The following IL12RB2 variants were observed in gnomAD, a reference collection of about 807,000 sequenced individuals.
IL12RB2 encodes interleukin 12 receptor subunit beta 2.
In IL12RB2, 82 loss-of-function variants were observed where a neutral mutation model predicts 89.4. That is an observed-to-expected ratio of 0.92 (90% CI 0.77 to 1.10). The LOEUF (loss-of-function observed/expected upper bound fraction) is 1.10. Ranked by LOEUF, IL12RB2 falls within the 50% of genes least tolerant of loss-of-function variation. IL12RB2 has a pLI of 0.00. For synonymous variants in IL12RB2, 368 were observed against 370.1 expected, an observed-to-expected ratio of 0.99 and a Z score of 0.07; for missense variants, 963 against 1,031.9, an observed-to-expected ratio of 0.93 and a Z score of 0.92.
chr1:67,334,518 A>G (rs903093690), intron 8 of IL12RB2, among the ~76,000 whole-genome samples: 16 of 152,174 alleles, frequency 1.1e-4, no homozygotes, highest in South Asian at 2.1e-4. Context: ...TGGCTCTGTC[A>G]CCCATGCTGG....
At chr1:67,346,543 T>C (rs1660263161) in intron 9 of IL12RB2, among the ~76,000 whole-genome samples, 1 of 152,050 alleles carries the variant, frequency 6.6e-6, no homozygotes. Flanking sequence ...TGCACCATTA[T>C]GCCCAGCTAA....
At chr1:67,373,554 AATTATTCTATAAGT>A (rs1242899982) in intron 13 of IL12RB2, among the ~76,000 whole-genome samples, 1 of 152,210 alleles carries the variant, frequency 6.6e-6, no homozygotes, top group Non-Finnish European at 1.5e-5. Context: ...TATGGCCCAA[AATTATTCTATAAGT>A]ATAAAACTAA....
chr1:67,379,692 AT>A (rs1459621925), intron 13 of IL12RB2, among the ~76,000 whole-genome samples: 1 of 151,984 alleles, frequency 6.6e-6, no homozygotes, highest in Admixed American at 6.5e-5. Context: ...TATTCAAAAG[AT>A]TTTACCACAA....
intron 14 of IL12RB2, among the ~76,000 whole-genome samples, chr1:67,381,649 C>T (rs1433449382): frequency 1.3e-5 from 2 of 152,000 alleles, no homozygotes; most frequent in Non-Finnish European, 2.9e-5. Flanking sequence ...GCCTGTAGTC[C>T]TGGCTACTCG....
At chr1:67,378,882 G>A (rs1664264808) in intron 13 of IL12RB2, among the ~76,000 whole-genome samples, 1 of 143,574 alleles carries the variant, frequency 7.0e-6, no homozygotes. Context: ...AATGTTAAGT[G>A]AATGTCTGTT....
intron 4 of IL12RB2, among the ~76,000 whole-genome samples, chr1:67,323,556 C>T (rs1327138903): frequency 1.3e-5 from 2 of 152,176 alleles, no homozygotes; most frequent in Non-Finnish European, 2.9e-5. Flanking sequence ...TTAGGCTTCT[C>T]AACAGCAACC....
In IL12RB2 at chr1:67,372,726, CT is replaced by C; in HGVS notation, c.1661del (p.Leu554ProfsTer32). On this transcript the variant is annotated frameshift_variant, in exon 13 of 17. Coordinates refer to ENST00000674203, the MANE Select transcript of IL12RB2 (RefSeq NM_001374259.2). LOFTEE classifies it high-confidence loss of function. ...IPVQEQMGCL[L>X]HYRIYWKERD... ...AGTCCAGGAGCAAATGGGCTGCCTC[CT>C]CCATTATAGGATATACTGGAAGGAA... The C allele has an allele frequency of 1.2e-6, 2 of 1,603,602 alleles. No homozygotes were observed. The highest frequency in any genetic ancestry group is 1.7e-6 in the Non-Finnish European group (2 of 1,170,322).
intron 16 of IL12RB2, among the ~76,000 whole-genome samples, chr1:67,390,586 T>G (rs2100291468): frequency 1.3e-5 from 2 of 152,088 alleles, no homozygotes; most frequent in Admixed American, 1.3e-4. Flanking sequence ...CCATACTATT[T>G]TGGTTTGGGC....
Position 67,338,673 on chromosome 1 carries a change from C to A in IL12RB2, c.1008C>A (p.Tyr336Ter). 1.3e-6 allele frequency: 2 copies of A among 1,540,784 alleles called. No individual in the cohort carries two copies. Among genetic ancestry groups the A allele is most frequent in the Non-Finnish European group, 1.8e-6 (2 of 1,113,166 alleles). ...DVWYMKRHID[Y>*]SRQQISLFWK... Reference sequence around the variant, plus strand: ...GGTACATGAAACGGCACATTGACTACAGTAGACAACAGATTTCTCTTTTCT... The same window carrying A: ...GGTACATGAAACGGCACATTGACTAAAGTAGACAACAGATTTCTCTTTTCT... Residue 336 changes from tyrosine (Y) to a stop codon, truncating the protein, a stop_gained, in exon 9 of 17, where the codon TAC becomes TAA. Coordinates refer to ENST00000674203, the MANE Select transcript of IL12RB2 (RefSeq NM_001374259.2). LOFTEE classifies it high-confidence loss of function.
intron 9 of IL12RB2, among the ~76,000 whole-genome samples, chr1:67,350,044 C>A (rs1316910336): frequency 1.3e-5 from 2 of 152,158 alleles, no homozygotes; most frequent in African/African-American, 4.8e-5. Flanking sequence ...AGCCGGAGGC[C>A]CCCCACCCAT....
chr1:67,344,682 C>T (rs768805439), intron 9 of IL12RB2, among the ~76,000 whole-genome samples: 2 of 152,204 alleles, frequency 1.3e-5, no homozygotes, highest in Non-Finnish European at 2.9e-5. Context: ...TATTTTATAA[C>T]CTTTTTATCC....
chr1:67,386,761 C>T lies in IL12RB2; in HGVS notation c.1946+92C>T, dbSNP rs567874320. 14 of 864,240 alleles carry T rather than the reference C, an allele frequency of 1.6e-5. 1 individual carries two copies. In the East Asian group the frequency reaches 2.7e-4, roughly 16 times the overall value. 53.5% of individuals were successfully genotyped at this position (864,240 alleles called of 1,614,324 possible). On this transcript the variant is annotated intron_variant, in intron 15 of 16. Transcript: ENST00000674203. ...CATGGGTCAGGGAAATGGACACTCT[C>T]ACACATTCCTGGTGAGAGACTAAAC...
At chr1:67,373,519 A>T (rs17129908) in intron 13 of IL12RB2, among the ~76,000 whole-genome samples, 28,505 of 152,196 alleles carry the variant, frequency 0.19, 3,260 homozygotes, top group African/African-American at 0.3. Flanking sequence ...AATGGATAAA[A>T]TATGATACAG....
chr1:67,354,875 A>C (rs1661214991), intron 10 of IL12RB2, among the ~76,000 whole-genome samples: 1 of 152,248 alleles, frequency 6.6e-6, no homozygotes, highest in Non-Finnish European at 1.5e-5. Context: ...TTGAGAGACC[A>C]GAGACAAATT....
chr1:67,359,000 G>C (rs112288487), intron 10 of IL12RB2, among the ~76,000 whole-genome samples: 9,419 of 151,964 alleles, frequency 0.062, 338 homozygotes, highest in Admixed American at 0.08. Context: ...AATTAGCCAG[G>C]CATAGTGGTG....
chr1:67,329,493 G>C, intron 6 of IL12RB2, 94 bp from the exon 7 acceptor site: 1 of 824,430 alleles, frequency 1.2e-6, no homozygotes, highest in Non-Finnish European at 2.2e-6. Context: ...TCAGAACTGA[G>C]TTTTGTCAAA....
At position 67,391,184 on chromosome 1, in the gene IL12RB2, GTA is replaced by G. The variant is rs1468013032; in HGVS notation, c.2046+1058_2046+1059del. 7.9e-5 allele frequency among the ~76,000 whole-genome samples: 12 copies of G among 152,246 alleles called. 1 individual carries two copies. The highest frequency in any genetic ancestry group is 7.2e-4 in the Admixed American group (11 of 15,298). The stretch of plus-strand genomic sequence containing the variant: ...AGCCTCAATAAAACAGGAGTTGACA[GTA>G]TCATTCTTACTTACCACTGTGAGGA... On this transcript the variant is annotated intron_variant, in intron 16 of 16. Coordinates refer to ENST00000674203, the MANE Select transcript of IL12RB2 (RefSeq NM_001374259.2).
intron 10 of IL12RB2, among the ~76,000 whole-genome samples, chr1:67,358,825 T>C (rs2100905490): frequency 6.6e-6 from 1 of 152,260 alleles, no homozygotes; most frequent in Middle Eastern, 3.4e-3. Context: ...TATTTTTAAA[T>C]TTTAAATAAA....
At chr1:67,367,234 TA>T (rs17109849) in intron 10 of IL12RB2, among the ~76,000 whole-genome samples, 21 of 146,620 alleles carry the variant, frequency 1.4e-4, no homozygotes, top group Non-Finnish European at 1.2e-4. Flanking sequence ...CTCTGTCTAA[TA>T]AAAAAAAAAA....
Sources: gnomAD v4.1 joint callset for allele counts (sites outside exome capture counted in the v4.1 genomes callset) on GRCh38, gnomAD v4.1.1 for gene constraint, MANE v1.5 for transcripts, NCBI Gene and HGNC (gene_info 2026-07-23, HGNC 2026-07-21) for gene names.